Variants in PPARGC1A observed in about 807,000 individuals in gnomAD.
The protein encoded by PPARGC1A is peroxisome proliferator-activated receptor gamma coactivator 1-alpha.
A neutral mutation model predicts 88.7 loss-of-function variants in PPARGC1A; 25 were observed. The ratio of observed to expected loss-of-function variants is 0.28; its 90% CI spans 0.21 to 0.39. PPARGC1A has a LOEUF of 0.39. Among genes scored for constraint, PPARGC1A ranks in the 10% least tolerant of loss-of-function variants. The pLI is 1.00. For missense variants in PPARGC1A, 880 were observed against 968.7 expected (o/e 0.91, Z 1.22); for synonymous variants, 363 against 355.6 (o/e 1.02, Z -0.24).
At chr4:24,204,976 C>T in the PPARGC1A span, among the ~76,000 whole-genome samples, 1 of 152,250 alleles carries the variant, frequency 6.6e-6, no homozygotes, top group East Asian at 1.9e-4. Flanking sequence ...CACCCGCCAC[C>T]ACGCCCAGCT....
the PPARGC1A span, among the ~76,000 whole-genome samples, chr4:23,984,645 A>G: frequency 6.6e-6 from 1 of 152,132 alleles, no homozygotes; most frequent in Non-Finnish European, 1.5e-5. Context: ...ATCATGTATC[A>G]CTTTCCACAG....
In PPARGC1A at chr4:23,795,769, G is replaced by T; in HGVS notation, c.*53C>A. ...TGCAATAGTCTTTAGGGAAGGACGC[G>T]CTGTCCCATGAGGTATTCGCCATCC... is the stretch of plus-strand genomic sequence containing the variant. On this transcript the variant is annotated 3_prime_UTR_variant, in exon 13 of 13. Coordinates refer to ENST00000264867, the MANE Select transcript of PPARGC1A (RefSeq NM_013261.5). The T allele has an allele frequency of 2.2e-6, 3 of 1,378,960 alleles. No individual in the cohort carries two copies. Among genetic ancestry groups the T allele is most frequent in the Non-Finnish European group, 3.0e-6 (3 of 994,474 alleles). The allele number at this position is 1,378,960 out of a possible 1,614,324, so 85.4% of individuals were successfully genotyped here.
At chr4:23,876,292 T>C (rs1405272384) in intron 2 of PPARGC1A, among the ~76,000 whole-genome samples, 1 of 152,250 alleles carries the variant, frequency 6.6e-6, no homozygotes, top group African/African-American at 2.4e-5. Context: ...GATCCTATTA[T>C]AGTGCTGGAG....
the PPARGC1A span, among the ~76,000 whole-genome samples, chr4:24,447,160 C>G: frequency 6.6e-6 from 1 of 152,168 alleles, no homozygotes; most frequent in African/African-American, 2.4e-5. Context: ...TGTTAACACT[C>G]TCCTCCCTCC....
the PPARGC1A span, among the ~76,000 whole-genome samples, chr4:23,997,348 C>A: frequency 6.6e-6 from 1 of 151,450 alleles, no homozygotes; most frequent in Non-Finnish European, 1.5e-5. Flanking sequence ...GGTAAAAATC[C>A]TTTTTTTTAT....
At chr4:24,050,488 G>C in the PPARGC1A span, among the ~76,000 whole-genome samples, 1 of 151,930 alleles carries the variant, frequency 6.6e-6, no homozygotes, top group Admixed American at 6.6e-5. Context: ...GAGCTACTGC[G>C]CCTGGCTTTT....
the PPARGC1A span, among the ~76,000 whole-genome samples, chr4:24,197,294 G>A: frequency 2.0e-5 from 3 of 152,078 alleles, no homozygotes; most frequent in Non-Finnish European, 2.9e-5. Flanking sequence ...ATCACATTGT[G>A]GGCCAAAATG....
the PPARGC1A span, among the ~76,000 whole-genome samples, chr4:24,319,274 C>T: frequency 6.1e-4 from 93 of 152,174 alleles, no homozygotes; most frequent in Middle Eastern, 0.01. Flanking sequence ...CCAAGGTGTT[C>T]GAGGCTACAA....
chr4:24,353,255 C>G, the PPARGC1A span, among the ~76,000 whole-genome samples: 1 of 146,808 alleles, frequency 6.8e-6, no homozygotes, highest in African/African-American at 2.5e-5. Context: ...TACTAACAAA[C>G]TAGGTGCTTA....
the PPARGC1A span, among the ~76,000 whole-genome samples, chr4:24,443,042 A>G: frequency 6.6e-6 from 1 of 152,250 alleles, no homozygotes; most frequent in Admixed American, 6.5e-5. Flanking sequence ...ATTTCCTGTC[A>G]CCATAATTAT....
rs781061413 is a variant in PPARGC1A at position 23,812,819 on chromosome 4, T to C, written c.1947A>G (p.Glu649=). 32 of 1,613,960 alleles carry C rather than the reference T, an allele frequency of 2.0e-5. No individual in the cohort carries two copies. The highest frequency in any genetic ancestry group is 2.6e-5 in the Non-Finnish European group (31 of 1,180,008). ...EYQHERLKRE[E]YRREYEKRES... ...CTCGCTTCTCATACTCTCTGCGATATTCTTCCCTCTTCAGCCTCTCGTGCT... is the reference window on the plus strand; with the variant it reads ...CTCGCTTCTCATACTCTCTGCGATACTCTTCCCTCTTCAGCCTCTCGTGCT... Residue 649 remains glutamate (E), a synonymous_variant, in exon 10 of 13, where the codon GAA becomes GAG. Transcript: ENST00000264867.
the PPARGC1A span, among the ~76,000 whole-genome samples, chr4:24,359,355 G>A: frequency 7.2e-5 from 11 of 152,110 alleles, no homozygotes; most frequent in Non-Finnish European, 1.3e-4. Flanking sequence ...TGGCTTGACT[G>A]CTGTCTCTGT....
intron 1 of PPARGC1A, chr4:23,888,960 G>C (rs1717367048): frequency 8.1e-6 from 8 of 985,222 alleles, no homozygotes; most frequent in Non-Finnish European, 8.4e-6. Context: ...AGAAAGTTTT[G>C]CTTGTTTCCC....
At chr4:23,888,172 T>G (rs1306954362) in intron 1 of PPARGC1A, among the ~76,000 whole-genome samples, 1 of 152,218 alleles carries the variant, frequency 6.6e-6, no homozygotes, top group Non-Finnish European at 1.5e-5. Context: ...AGGCAAAGCT[T>G]CTAGCAGCTA....
chr4:24,201,501 C>G, the PPARGC1A span, among the ~76,000 whole-genome samples: 1 of 152,214 alleles, frequency 6.6e-6, no homozygotes, highest in Non-Finnish European at 1.5e-5. Flanking sequence ...TGAGAAGAAG[C>G]ACTTCAGCCA....
At chr4:23,885,646 A>ATGTGTG (rs10657089) in intron 1 of PPARGC1A, among the ~76,000 whole-genome samples, 2 of 150,706 alleles carry the variant, frequency 1.3e-5, no homozygotes, top group Non-Finnish European at 3.0e-5. Context: ...AACTTGCAAG[A>ATGTGTG]TGTGTGTGTG....
Position 23,828,505 on chromosome 4 carries a change from C to A in PPARGC1A, c.652G>T (p.Asp218Tyr), listed in dbSNP as rs368992605. 2.5e-6 allele frequency: 4 copies of A among 1,613,892 alleles called. No individual in the cohort carries two copies. Among genetic ancestry groups the A allele is most frequent in the East Asian group, 2.2e-5 (1 of 44,892 alleles). Residue 218 changes from aspartate to tyrosine, a missense_variant, in exon 5 of 13, where the codon GAT (aspartate) becomes TAT (tyrosine). Coordinates refer to ENST00000264867, the MANE Select transcript of PPARGC1A (RefSeq NM_013261.5). ...GTGGGTTTGGTGTGAGGAGGGTCAT[C>A]GTTTGTGGTCAGATATTTGAGAAGC... ...SELLKYLTTN[D>Y]DPPHTKPTEN...
At chr4:24,338,506 C>T in the PPARGC1A span, among the ~76,000 whole-genome samples, 9 of 152,180 alleles carry the variant, frequency 5.9e-5, no homozygotes, top group African/African-American at 2.2e-4. Flanking sequence ...TAACTTTCAA[C>T]ATTAAGCCTC....
intron 7 of PPARGC1A, among the ~76,000 whole-genome samples, chr4:23,820,001 T>C (rs1462430741): frequency 1.3e-5 from 2 of 152,192 alleles, no homozygotes; most frequent in African/African-American, 4.8e-5. Flanking sequence ...TCAATATTTA[T>C]GCTGTTTGTC....
Sources: allele counts gnomAD v4.1 joint callset (sites outside exome capture counted in the v4.1 genomes callset), GRCh38; gene constraint gnomAD v4.1.1; transcripts MANE v1.5; gene names NCBI Gene and HGNC (gene_info 2026-07-23, HGNC 2026-07-21).